Variants in SNRPN observed in about 807,000 individuals in gnomAD.
The protein encoded by SNRPN is small nuclear ribonucleoprotein-associated protein N.
SNRPN carries 7 observed loss-of-function variants against 25.2 expected under a neutral mutation model. That is an observed-to-expected ratio of 0.28 (90% confidence interval 0.16 to 0.52). The LOEUF is 0.52. Ranked by LOEUF, SNRPN falls within the 20% of genes least tolerant of loss-of-function variation. The probability of loss-of-function intolerance (pLI) is 0.96; values close to 1 mark genes in which losing one functional copy is unlikely to be tolerated. For synonymous variants in SNRPN, 124 were observed against 110.6 expected (o/e 1.12, Z -0.76); for missense variants, 196 against 322.5 (o/e 0.61, Z 3.00).
intron 2 of SNRPN, among the ~76,000 whole-genome samples, chr15:24,831,222 C>T (rs1327225622): frequency 1.3e-5 from 2 of 151,976 alleles, no homozygotes; most frequent in African/African-American, 4.8e-5. Flanking sequence ...ATTTACATTA[C>T]ATTCTTTCTG....
chr15:24,928,752 C>T lies in SNRPN; in HGVS notation c.-391+8628C>T, dbSNP rs563566599. ...TCAGCTTCTGGAGTAGCTACAGGCA[C>T]ATGCCATCATGCCTAGCTATTTTTT... is the stretch of plus-strand genomic sequence containing the variant. On this transcript the variant is annotated intron_variant, in intron 3 of 11. Transcript: ENST00000400097. 5.9e-5 allele frequency among the ~76,000 whole-genome samples: 9 copies of T among 152,168 alleles called. No individual in the cohort carries two copies. The East Asian group carries it at 1.7e-3, about 29-fold the overall frequency.
intron 2 of SNRPN, chr15:24,912,240 C>T (rs531788691): frequency 2.6e-4 from 39 of 152,294 alleles, no homozygotes; most frequent in Non-Finnish European, 4.6e-4. Context: ...GTCTCAGCCT[C>T]CTGAATAGCT....
chr15:24,950,595 C>T (rs1401707360), upstream of SNRPN, among the ~76,000 whole-genome samples: 6 of 132,934 alleles, frequency 4.5e-5, no homozygotes, highest in Admixed American at 4.1e-4. Flanking sequence ...ATCACCCAGG[C>T]GGAGTGCAGT....
At chr15:24,880,161 G>T (rs2056437803) in intron 1 of SNRPN, among the ~76,000 whole-genome samples, 1 of 152,158 alleles carries the variant, frequency 6.6e-6, no homozygotes, top group African/African-American at 2.4e-5. Context: ...GCAGAGAAAG[G>T]TTTTCCCACT....
At chr15:24,829,085 G>T (rs2050305666) in intron 1 of SNRPN, among the ~76,000 whole-genome samples, 1 of 152,136 alleles carries the variant, frequency 6.6e-6, no homozygotes, top group South Asian at 2.1e-4. Flanking sequence ...GAGTTTGAGA[G>T]ATTCATTAAT....
chr15:24,923,876 C>CGT (rs1488829289), intron 3 of SNRPN, among the ~76,000 whole-genome samples: 1,393 of 106,946 alleles, frequency 0.013, 24 homozygotes, highest in Middle Eastern at 0.071. Context: ...TTTTTAGTGC[C>CGT]GTGTATGTGT....
chr15:24,848,956 G>T (rs908479328), intron 2 of SNRPN: 1 of 151,956 alleles, frequency 6.6e-6, no homozygotes, highest in African/African-American at 2.4e-5. Flanking sequence ...CACCAGGCTG[G>T]AGTGCAGTGG....
intron 1 of SNRPN, among the ~76,000 whole-genome samples, chr15:24,875,846 G>A (rs1033458825): frequency 6.6e-6 from 1 of 152,034 alleles, no homozygotes; most frequent in Non-Finnish European, 1.5e-5. Context: ...CTGAGGTCAG[G>A]TGTTCGAGAC....
intron 2 of SNRPN, chr15:24,848,270 G>GGGCGGCGGCGGGGGCGGTGGC (rs2052428876): frequency 6.7e-6 from 1 of 148,358 alleles, no homozygotes; most frequent in Non-Finnish European, 1.5e-5. Flanking sequence ...GCGGGGGCGG[G>GGGCGGCGGCGGGGGCGGTGGC]GGCAGATCCT....
At chr15:24,910,761 G>A in intron 2 of SNRPN, 1 of 282,232 alleles carries the variant, frequency 3.5e-6, no homozygotes, top group Non-Finnish European at 6.5e-6. Flanking sequence ...CCAAAGTGCT[G>A]GAACTACAGG....
At chr15:24,957,083 C>T (rs533510150) in intron 1 of SNRPN, among the ~76,000 whole-genome samples, 4 of 152,094 alleles carry the variant, frequency 2.6e-5, no homozygotes, top group African/African-American at 9.7e-5. Flanking sequence ...ACTTGTTAAC[C>T]CCTTTTTTTT....
At chr15:24,842,507 GC>G (rs2051794216) in intron 2 of SNRPN, among the ~76,000 whole-genome samples, 1 of 152,156 alleles carries the variant, frequency 6.6e-6, no homozygotes, top group African/African-American at 2.4e-5. Context: ...GATTGCAAAT[GC>G]CCCCCTTTCA....
chr15:24,857,462 G>A (rs1463411541), intron 1 of SNRPN, among the ~76,000 whole-genome samples: 1 of 151,990 alleles, frequency 6.6e-6, no homozygotes, highest in Admixed American at 6.6e-5. Context: ...AGAAAATGTT[G>A]TCATCCATAT....
intron 2 of SNRPN, among the ~76,000 whole-genome samples, chr15:24,907,503 C>T (rs200903453): frequency 6.6e-6 from 1 of 151,960 alleles, no homozygotes; most frequent in East Asian, 1.9e-4. Context: ...GAGGCTGAGG[C>T]AGGAGAATGG....
At chr15:24,863,745 T>TGTTC (rs2054243650) in intron 1 of SNRPN, among the ~76,000 whole-genome samples, 1 of 150,932 alleles carries the variant, frequency 6.6e-6, no homozygotes, top group Admixed American at 6.6e-5. Context: ...CACCCCTGCA[T>TGTTC]GTTCATAAGC....
chr15:24,905,239 G>A (rs180827736), intron 2 of SNRPN, among the ~76,000 whole-genome samples: 166 of 152,146 alleles, frequency 1.1e-3, no homozygotes, highest in African/African-American at 3.8e-3. Context: ...GACCGGGTGC[G>A]GTGGCTCAGA....
chr15:24,868,415 C>T (rs892174978), intron 1 of SNRPN, among the ~76,000 whole-genome samples: 1 of 152,132 alleles, frequency 6.6e-6, no homozygotes, highest in African/African-American at 2.4e-5. Context: ...GCAGAATGCT[C>T]CATCAAAGCT....
In SNRPN at chr15:24,978,662, AG is replaced by A; in HGVS notation, c.*219del. Reference sequence around the variant, plus strand: ...CTGTGGATGAGGGTGATGCCTATTAAGCAGTTGATTCAAATCATATTCTCTT... The same window carrying A: ...CTGTGGATGAGGGTGATGCCTATTAACAGTTGATTCAAATCATATTCTCTT... On this transcript the variant is annotated 3_prime_UTR_variant, in exon 10 of 10. Coordinates refer to ENST00000390687, the MANE Select transcript of SNRPN (RefSeq NM_003097.6). 1 of 587,854 alleles carries A rather than the reference AG, an allele frequency of 1.7e-6. No homozygotes were observed. Among genetic ancestry groups the A allele is most frequent in the South Asian group, 2.2e-5 (1 of 45,064 alleles). The allele number at this position is 587,854 out of a possible 1,614,324, so 36.4% of individuals were successfully genotyped here.
rs369889606 is a variant in SNRPN, at chr15:24,925,577, C to T, written c.-391+5453C>T. ...GCTTTCAAAACTGCTTTTATAGAGT[C>T]CTCCTTTTCTTTTTTATAAATTTAT... On this transcript the variant is annotated intron_variant, in intron 3 of 11. Coordinates refer to the SNRPN transcript ENST00000400097. Among the ~76,000 whole-genome samples the T allele has an allele frequency of 1.4e-4, 21 of 152,200 alleles. No individual in the cohort carries two copies. The East Asian group carries it at 1.7e-3, about 13-fold the overall frequency.
Sources: gnomAD v4.1 joint callset for allele counts (sites outside exome capture counted in the v4.1 genomes callset) on GRCh38, gnomAD v4.1.1 for gene constraint, MANE v1.5 for transcripts, NCBI Gene and HGNC (gene_info 2026-07-23, HGNC 2026-07-21) for gene names.